The following GULP1 variants were observed in gnomAD, a reference collection of about 807,000 sequenced individuals.
The protein encoded by GULP1 is PTB domain-containing engulfment adapter protein 1.
Under a neutral mutation model 40.9 loss-of-function variants are expected in GULP1, and 19 were observed. The observed-to-expected ratio is 0.46, with a 90% CI of 0.32 to 0.68. GULP1 has a LOEUF of 0.68. Ranked by LOEUF, GULP1 falls within the 30% of genes least tolerant of loss-of-function variation. The probability of loss-of-function intolerance (pLI) is 0.03; values close to 1 mark genes in which losing one functional copy is unlikely to be tolerated. For synonymous variants in GULP1, 119 were observed against 117.6 expected (o/e 1.01, Z -0.08); for missense variants, 312 against 362.2 (o/e 0.86, Z 1.12).
intron 1 of GULP1, among the ~76,000 whole-genome samples, chr2:188,332,889 A>G (rs935892393): frequency 6.6e-6 from 1 of 152,172 alleles, no homozygotes; most frequent in African/African-American, 2.4e-5. Context: ...GCGGTAACTT[A>G]TATGCCATTT....
chr2:188,540,253 A>T (rs1208218600), intron 6 of GULP1, among the ~76,000 whole-genome samples: 2 of 152,064 alleles, frequency 1.3e-5, no homozygotes, highest in Non-Finnish European at 2.9e-5. Context: ...TCTACCTCCA[A>T]CATGTTTCAG....
At chr2:188,332,171 C>G (rs2041681232) in intron 1 of GULP1, among the ~76,000 whole-genome samples, 1 of 150,156 alleles carries the variant, frequency 6.7e-6, no homozygotes, top group Non-Finnish European at 1.5e-5. Context: ...CAAGGCCATT[C>G]CATCGGTCAT....
intron 2 of GULP1, among the ~76,000 whole-genome samples, chr2:188,445,297 GA>G (rs774607324): frequency 6.8e-6 from 1 of 147,390 alleles, no homozygotes; most frequent in African/African-American, 2.5e-5. Flanking sequence ...TTGTTTAAAG[GA>G]AAAAAAAACA....
At chr2:188,308,750 C>T (rs1481986810) in intron 1 of GULP1, among the ~76,000 whole-genome samples, 1 of 152,112 alleles carries the variant, frequency 6.6e-6, no homozygotes, top group African/African-American at 2.4e-5. Context: ...AGTAAAGGGT[C>T]TTGAGAACTC....
intron 2 of GULP1, among the ~76,000 whole-genome samples, chr2:188,388,963 A>G (rs2050160496): frequency 6.6e-6 from 1 of 152,236 alleles, no homozygotes; most frequent in Non-Finnish European, 1.5e-5. Flanking sequence ...CTAAATTTTT[A>G]AATAATTCAG....
intron 2 of GULP1, among the ~76,000 whole-genome samples, chr2:188,386,671 T>C (rs949277690): frequency 1.1e-4 from 16 of 152,172 alleles, no homozygotes; most frequent in African/African-American, 3.9e-4. Flanking sequence ...ACTGGCTCAA[T>C]GACTGTGATC....
At chr2:188,513,595 T>G (rs531491835) in intron 4 of GULP1, among the ~76,000 whole-genome samples, 117 of 152,308 alleles carry the variant, frequency 7.7e-4, no homozygotes, top group African/African-American at 2.7e-3. Context: ...CTTATTTTCA[T>G]TGATACATTT....
At chr2:188,338,057 TAATTCCTTTAATTATAAATTA>T (rs879426450) in intron 1 of GULP1, among the ~76,000 whole-genome samples, 9 of 152,162 alleles carry the variant, frequency 5.9e-5, no homozygotes, top group South Asian at 4.1e-4. Flanking sequence ...TTAGTATTTG[TAATTCCTTTAATTATAAATTA>T]AATTCCTTTA....
At chr2:188,588,900 G>C (rs930751332) in intron 11 of GULP1, 12 of 152,020 alleles carry the variant, frequency 7.9e-5, no homozygotes, top group Non-Finnish European at 1.8e-4. Flanking sequence ...CAGCTGTGTA[G>C]CTATCTTATT....
At chr2:188,327,119 C>A (rs1375876205) in intron 1 of GULP1, among the ~76,000 whole-genome samples, 1 of 152,142 alleles carries the variant, frequency 6.6e-6, no homozygotes, top group Non-Finnish European at 1.5e-5. Context: ...CTAGATAAAG[C>A]ACAAGTTTAC....
Position 188,496,285 on chromosome 2 carries a change from A to G in GULP1, c.90+12793A>G, listed in dbSNP as rs1314684855. Among the ~76,000 whole-genome samples, 8 of 152,028 alleles carry G rather than the reference A, an allele frequency of 5.3e-5. No homozygotes were observed. In the South Asian group the frequency reaches 1.0e-3, roughly 20 times the overall value. ...AAAACTAGCTTTCTAGTTCCCCCAG[A>G]GTTTGCATTTATTTCCAAGAAATGC... On this transcript the variant is annotated intron_variant, in intron 4 of 11. Transcript: ENST00000409830.
At chr2:188,497,916 C>T (rs1444461080) in intron 4 of GULP1, among the ~76,000 whole-genome samples, 2 of 151,898 alleles carry the variant, frequency 1.3e-5, no homozygotes, top group Non-Finnish European at 2.9e-5. Context: ...GATTATGAAC[C>T]AACAGCATAT....
intron 2 of GULP1, among the ~76,000 whole-genome samples, chr2:188,426,143 T>TA (rs1372112031): frequency 1.3e-5 from 2 of 152,186 alleles, no homozygotes; most frequent in Admixed American, 6.5e-5. Flanking sequence ...AGGCTGGACA[T>TA]ATCACAGTGA....
intron 7 of GULP1, among the ~76,000 whole-genome samples, chr2:188,561,708 C>A (rs1253454921): frequency 2.6e-5 from 4 of 152,178 alleles, no homozygotes; most frequent in Non-Finnish European, 4.4e-5. Context: ...GCAGTAGTAG[C>A]CACGCTGAGG....
intron 2 of GULP1, among the ~76,000 whole-genome samples, chr2:188,402,796 G>GTAATAA (rs551500336): frequency 2.6e-5 from 4 of 151,454 alleles, no homozygotes; most frequent in Non-Finnish European, 5.9e-5. Flanking sequence ...ATTTTTAACA[G>GTAATAA]TAATAATAAT....
intron 1 of GULP1, among the ~76,000 whole-genome samples, chr2:188,343,268 CA>C: frequency 6.6e-6 from 1 of 151,758 alleles, no homozygotes; most frequent in Non-Finnish European, 1.5e-5. Context: ...ATGTGGACAG[CA>C]AATTTTGAAA....
chr2:188,334,761 T>C (rs969927267), intron 1 of GULP1, among the ~76,000 whole-genome samples: 2 of 152,238 alleles, frequency 1.3e-5, no homozygotes, highest in African/African-American at 4.8e-5. Flanking sequence ...CCAAAGCTAT[T>C]ATAAAATTAA....
intron 2 of GULP1, among the ~76,000 whole-genome samples, chr2:188,387,068 T>G (rs2049873047): frequency 6.6e-6 from 1 of 151,958 alleles, no homozygotes; most frequent in Non-Finnish European, 1.5e-5. Context: ...AAACCCCGTC[T>G]CTACTAAAAA....
At chr2:188,446,103 T>C (rs1049581488) in intron 2 of GULP1, among the ~76,000 whole-genome samples, 4 of 152,162 alleles carry the variant, frequency 2.6e-5, no homozygotes, top group East Asian at 1.9e-4. Context: ...GAGGGAGATA[T>C]CATCTCATCA....
Sources: allele counts gnomAD v4.1 joint callset (sites outside exome capture counted in the v4.1 genomes callset), GRCh38; gene constraint gnomAD v4.1.1; transcripts MANE v1.5; gene names NCBI Gene and HGNC (gene_info 2026-07-23, HGNC 2026-07-21).